EPDR1: variants seen among roughly 807,000 people sequenced by gnomAD.
EPDR1 encodes mammalian ependymin-related protein 1.
EPDR1 carries 27 observed loss-of-function variants against 23.7 expected under a neutral mutation model. The observed-to-expected ratio is 1.14, with a 90% CI of 0.84 to 1.57. The LOEUF (loss-of-function observed/expected upper bound fraction) is 1.57, where lower values mean the gene tolerates loss of function less well. EPDR1 is among the 40% of genes most tolerant of loss of function. EPDR1 has a pLI of 0.00. For synonymous variants in EPDR1, 137 were observed against 118.2 expected (o/e 1.16, Z -1.03); for missense variants, 349 against 290.4 (o/e 1.20, Z -1.47).
chr7:37,944,393 A>T (rs1786231708), intron 1 of EPDR1, among the ~76,000 whole-genome samples: 1 of 152,246 alleles, frequency 6.6e-6, no homozygotes, highest in African/African-American at 2.4e-5. Flanking sequence ...TCTCTGGTCT[A>T]GTAAACTCTG....
chr7:37,923,561 G>A (rs185661261), intron 1 of EPDR1, among the ~76,000 whole-genome samples: 7 of 152,216 alleles, frequency 4.6e-5, no homozygotes, highest in East Asian at 3.9e-4. Context: ...CAGTAGTGGC[G>A]CATTGATGAA....
intron 1 of EPDR1, among the ~76,000 whole-genome samples, chr7:37,929,929 C>G (rs899254123): frequency 2.6e-5 from 4 of 152,174 alleles, no homozygotes; most frequent in Non-Finnish European, 5.9e-5. Context: ...CTAAAGCACC[C>G]ACAGTTTCTC....
chr7:37,936,840 T>A (rs1049307673), intron 1 of EPDR1, among the ~76,000 whole-genome samples: 1 of 152,144 alleles, frequency 6.6e-6, no homozygotes, highest in Non-Finnish European at 1.5e-5. Flanking sequence ...ATCATAAAGA[T>A]ATCAGTTCTC....
chr7:37,939,674 C>T (rs189595007), intron 1 of EPDR1, among the ~76,000 whole-genome samples: 351 of 152,190 alleles, frequency 2.3e-3, no homozygotes, highest in Admixed American at 4.2e-3. Context: ...ACACATTTTC[C>T]GTGAACTTTT....
intron 1 of EPDR1, among the ~76,000 whole-genome samples, chr7:37,944,259 G>A (rs7778651): frequency 0.035 from 5,294 of 152,212 alleles, 176 homozygotes; most frequent in East Asian, 0.084. Flanking sequence ...TTCCATTTGC[G>A]TTTTGGAAAA....
intron 1 of EPDR1, among the ~76,000 whole-genome samples, chr7:37,936,159 A>T (rs1786047641): frequency 6.7e-6 from 1 of 150,372 alleles, no homozygotes; most frequent in African/African-American, 2.4e-5. Context: ...ACATTAAAAA[A>T]ATACATTGTA....
At chr7:37,928,322 T>C (rs1477392553) in intron 1 of EPDR1, among the ~76,000 whole-genome samples, 1 of 152,196 alleles carries the variant, frequency 6.6e-6, no homozygotes, top group Non-Finnish European at 1.5e-5. Flanking sequence ...AATATGATAG[T>C]CTTAGATTTC....
chr7:37,928,801 C>A (rs1279506570), intron 1 of EPDR1, among the ~76,000 whole-genome samples: 1 of 152,074 alleles, frequency 6.6e-6, no homozygotes, highest in Non-Finnish European at 1.5e-5. Context: ...CTACCTATAC[C>A]CTAATTTTGA....
Position 37,950,228 on chromosome 7 carries a change from C to A in EPDR1, c.507C>A (p.Val169=), listed in dbSNP as rs571749837. The A allele has an allele frequency of 1.2e-6, 2 of 1,613,624 alleles. No individual in the cohort carries two copies. The highest frequency in any genetic ancestry group is 1.1e-5 in the South Asian group (1 of 90,998). ...AAACCTGGATTGGCATCTATACAGT[C>A]AAGGATTGCTATCCTGTCCAGGAAA... ...SYETWIGIYT[V]KDCYPVQETF... Residue 169 remains valine (V), a synonymous_variant, in exon 3 of 3, where the codon GTC becomes GTA. Transcript: ENST00000199448.
chr7:37,924,970 T>C (rs1226114289), intron 1 of EPDR1, among the ~76,000 whole-genome samples: 2 of 152,234 alleles, frequency 1.3e-5, no homozygotes, highest in Non-Finnish European at 1.5e-5. Context: ...ATCCCATTGA[T>C]AGTTACTGTG....
intron 1 of EPDR1, among the ~76,000 whole-genome samples, chr7:37,937,192 T>C (rs1351974152): frequency 6.6e-6 from 1 of 152,118 alleles, no homozygotes; most frequent in African/African-American, 2.4e-5. Context: ...TTGGAACAAC[T>C]GAGAAAAGAT....
rs2132022886 is a variant in EPDR1, at chr7:37,950,402, T to C, written c.*6T>C. The stretch of plus-strand genomic sequence containing the variant: ...GCGAAGACTGCTCCTGGTGAGCCTG[T>C]GCATAGGGAAGCGGCAGCATCGGAT... On this transcript the variant is annotated 3_prime_UTR_variant, in exon 3 of 3. Coordinates refer to ENST00000199448, the MANE Select transcript of EPDR1 (RefSeq NM_017549.5). 1 of 1,604,454 alleles carries C rather than the reference T, an allele frequency of 6.2e-7. No individual in the cohort carries two copies. The highest frequency in any genetic ancestry group is 8.5e-7 in the Non-Finnish European group (1 of 1,173,738).
intron 1 of EPDR1, among the ~76,000 whole-genome samples, chr7:37,938,436 T>C (rs552908893): frequency 2.5e-3 from 383 of 152,324 alleles, no homozygotes; most frequent in African/African-American, 8.3e-3. Context: ...AACATTGATA[T>C]GGTGGAGAAG....
At chr7:37,923,098 G>T (rs954967581) in intron 1 of EPDR1, among the ~76,000 whole-genome samples, 9 of 152,192 alleles carry the variant, frequency 5.9e-5, no homozygotes, top group African/African-American at 2.2e-4. Context: ...ATGGCGAAGG[G>T]TCATACTGAG....
intron 1 of EPDR1, among the ~76,000 whole-genome samples, chr7:37,946,804 T>TA (rs1358086026): frequency 2.0e-5 from 3 of 151,960 alleles, no homozygotes; most frequent in African/African-American, 7.3e-5. Flanking sequence ...GTTTTTTTTT[T>TA]AATAAAATAA....
At chr7:37,947,670 C>T (rs976109841) in intron 1 of EPDR1, among the ~76,000 whole-genome samples, 7 of 152,174 alleles carry the variant, frequency 4.6e-5, no homozygotes, top group Admixed American at 4.6e-4. Flanking sequence ...ATTTCACTTT[C>T]TGAGGTCATG....
At chr7:37,939,039 C>T (rs998413219) in intron 1 of EPDR1, among the ~76,000 whole-genome samples, 5 of 150,638 alleles carry the variant, frequency 3.3e-5, no homozygotes, top group East Asian at 3.9e-4. Context: ...AGTGCAGTGA[C>T]GGGATCTTAG....
At chr7:37,923,193 C>A (rs919734145) in intron 1 of EPDR1, among the ~76,000 whole-genome samples, 7 of 152,104 alleles carry the variant, frequency 4.6e-5, no homozygotes, top group Non-Finnish European at 8.8e-5. Flanking sequence ...GATGTGGACA[C>A]AAAATGGAGC....
chr7:37,926,612 A>AATG, intron 1 of EPDR1: 1 of 444,292 alleles, frequency 2.3e-6, no homozygotes, highest in South Asian at 1.6e-5. Context: ...CAGGCCAGTT[A>AATG]TTTTGTAGAA....
Sources: gnomAD v4.1 joint callset for allele counts (sites outside exome capture counted in the v4.1 genomes callset) on GRCh38, gnomAD v4.1.1 for gene constraint, MANE v1.5 for transcripts, NCBI Gene and HGNC (gene_info 2026-07-23, HGNC 2026-07-21) for gene names.